Variants in MYT1L observed in about 807,000 individuals in gnomAD.
MYT1L encodes myelin transcription factor 1-like protein.
Under a neutral mutation model 126.7 loss-of-function variants are expected in MYT1L, and 12 were observed. The observed-to-expected ratio is 0.09, with a 90% CI of 0.06 to 0.15. The LOEUF (loss-of-function observed/expected upper bound fraction) is 0.15. MYT1L is among the 10% of genes least tolerant of loss of function. MYT1L has a pLI of 1.00. For missense variants in MYT1L, 979 were observed against 1,585.2 expected (o/e 0.62, Z 6.49); for synonymous variants, 541 against 604.2 (o/e 0.90, Z 1.53).
At chr2:1,973,484 A>C (rs2059952556) in intron 8 of MYT1L, among the ~76,000 whole-genome samples, 1 of 152,236 alleles carries the variant, frequency 6.6e-6, no homozygotes, top group African/African-American at 2.4e-5. Flanking sequence ...AGCCAAAAAA[A>C]ACCTGAATAT....
At chr2:1,963,768 G>T (rs1242102044) in intron 8 of MYT1L, among the ~76,000 whole-genome samples, 3 of 152,192 alleles carry the variant, frequency 2.0e-5, no homozygotes, top group African/African-American at 7.2e-5. Flanking sequence ...TACCTTCACA[G>T]AACTGAAGAG....
chr2:2,039,565 T>A (rs1448229299), intron 4 of MYT1L, among the ~76,000 whole-genome samples: 1 of 152,178 alleles, frequency 6.6e-6, no homozygotes, highest in South Asian at 2.1e-4. Context: ...TGAAAAGGTG[T>A]GAATTGCTCA....
At chr2:2,118,059 C>A (rs1294845581) in intron 3 of MYT1L, among the ~76,000 whole-genome samples, 1 of 150,230 alleles carries the variant, frequency 6.7e-6, no homozygotes. Flanking sequence ...GGGTTTTATT[C>A]TATATTTATA....
In MYT1L at chr2:2,228,053, G is replaced by A. The variant is rs920926648; in HGVS notation, c.-420-55065C>T. On this transcript the variant is annotated intron_variant, in intron 2 of 24. Transcript: ENST00000647738. This position sits in a 1 kb window ranked among gnomAD's most constrained non-coding sequence, Gnocchi z 5.9. ...TGCCCAATGTCAAGTAGCTCATAAC[G>A]GCTAGTAAATGCCTAGGGTTGAATA... 2.0e-5 allele frequency among the ~76,000 whole-genome samples: 3 copies of A among 152,122 alleles called. No homozygotes were observed. Among genetic ancestry groups the A allele is most frequent in the Non-Finnish European group, 4.4e-5 (3 of 68,002 alleles).
chr2:2,068,497 G>A (rs1482596931), intron 3 of MYT1L, among the ~76,000 whole-genome samples: 1 of 152,048 alleles, frequency 6.6e-6, no homozygotes, highest in Non-Finnish European at 1.5e-5. Flanking sequence ...CCATTTCCCT[G>A]CACATTCCAT....
At chr2:2,251,014 A>C (rs2149216103) in intron 2 of MYT1L, among the ~76,000 whole-genome samples, 1 of 152,306 alleles carries the variant, frequency 6.6e-6, no homozygotes, top group African/African-American at 2.4e-5. Flanking sequence ...TGCCGACTTA[A>C]TGTTTACCTG....
Position 2,228,902 on chromosome 2 carries a change from A to AG in MYT1L, c.-421+55501dup, listed in dbSNP as rs1268430688. Among the ~76,000 whole-genome samples, 1 of 152,174 alleles carries AG rather than the reference A, an allele frequency of 6.6e-6. No individual in the cohort carries two copies. Among genetic ancestry groups the AG allele is most frequent in the Non-Finnish European group, 1.5e-5 (1 of 68,034 alleles). On this transcript the variant is annotated intron_variant, in intron 2 of 24. Coordinates refer to ENST00000647738, the MANE Select transcript of MYT1L (RefSeq NM_001303052.2). The surrounding 1 kb of genome is among the most constrained non-coding windows in gnomAD (Gnocchi z 5.9). ...CAATCTTTTTAAAAAATACAGGACAAGGGCAAGTTAATAAGAAGAAACACA... is the reference window on the plus strand; with the variant it reads ...CAATCTTTTTAAAAAATACAGGACAAGGGGCAAGTTAATAAGAAGAAACACA...
At chr2:2,282,455 G>T (rs1268656129) in intron 2 of MYT1L, among the ~76,000 whole-genome samples, 2 of 152,156 alleles carry the variant, frequency 1.3e-5, no homozygotes, top group African/African-American at 4.8e-5. Flanking sequence ...ACACTGGATG[G>T]TTAGCTGTGT....
intron 18 of MYT1L, among the ~76,000 whole-genome samples, chr2:1,870,904 C>T (rs762482853): frequency 4.6e-5 from 7 of 152,242 alleles, no homozygotes; most frequent in South Asian, 2.1e-4. Flanking sequence ...CCCAGCTCTG[C>T]GAGCTGCCCA....
intron 3 of MYT1L, among the ~76,000 whole-genome samples, chr2:2,071,998 T>TA (rs776269189): frequency 2.9e-4 from 44 of 152,222 alleles, no homozygotes; most frequent in Admixed American, 4.6e-4. Context: ...GGCAGGAAGA[T>TA]AAATATATGG....
At position 1,887,703 on chromosome 2, in the gene MYT1L, C is replaced by T. The variant is rs542530214; in HGVS notation, c.2521-94G>A. ...CGTGGCTCTGGGGTGGCCTCTACAT[C>T]TTACACCTCTTTCTGCTGTACCTTT... is the stretch of plus-strand genomic sequence containing the variant. On this transcript the variant is annotated intron_variant, in intron 16 of 24. Coordinates refer to ENST00000647738, the MANE Select transcript of MYT1L (RefSeq NM_001303052.2). The surrounding 1 kb of genome is among the most constrained non-coding windows in gnomAD (Gnocchi z 4.8). 6.3e-6 allele frequency: 9 copies of T among 1,417,510 alleles called. No individual in the cohort carries two copies. The South Asian group carries it at 9.5e-5, about 15-fold the overall frequency. The allele number at this position is 1,417,510 out of a possible 1,614,324, so 87.8% of individuals were successfully genotyped here.
intron 3 of MYT1L, among the ~76,000 whole-genome samples, chr2:2,155,809 G>C (rs1447541425): frequency 2.6e-5 from 4 of 152,052 alleles, no homozygotes; most frequent in South Asian, 2.1e-4. Context: ...TTTCACCACG[G>C]AGCCATCAAC....
rs1050949411 is a variant in MYT1L, at chr2:1,956,586, A to T, written c.153-13252T>A. On this transcript the variant is annotated intron_variant, in intron 8 of 24. Coordinates refer to ENST00000647738, the MANE Select transcript of MYT1L (RefSeq NM_001303052.2). The stretch of plus-strand genomic sequence containing the variant: ...TCTATATTTCCTATTCTATCTATCT[A>T]TCTATCTATCTATCTATCTATCTAT... Among the ~76,000 whole-genome samples, 72 of 142,714 alleles carry T rather than the reference A, an allele frequency of 5.0e-4. 2 individuals carry two copies. Among genetic ancestry groups the T allele is most frequent in the African/African-American group, 1.6e-3 (56 of 35,988 alleles). The allele number at this position is 142,714 out of a possible 152,430, so 93.6% of individuals were successfully genotyped here.
At chr2:2,308,355 A>G (rs1188901070) in intron 1 of MYT1L, among the ~76,000 whole-genome samples, 1 of 151,582 alleles carries the variant, frequency 6.6e-6, no homozygotes, top group Non-Finnish European at 1.5e-5. Flanking sequence ...CCTATACTTC[A>G]CCTACATTTC....
intron 4 of MYT1L, among the ~76,000 whole-genome samples, chr2:2,051,566 G>T (rs532470360): frequency 6.6e-6 from 1 of 152,276 alleles, no homozygotes; most frequent in African/African-American, 2.4e-5. Context: ...TTCTACCTAA[G>T]AAATTACTAC....
At chr2:2,066,305 A>T (rs899215163) in intron 3 of MYT1L, among the ~76,000 whole-genome samples, 1 of 152,178 alleles carries the variant, frequency 6.6e-6, no homozygotes, top group African/African-American at 2.4e-5. Flanking sequence ...CTTTATAAAC[A>T]TTAATTCTTA....
chr2:1,880,143 A>C (rs904169222), intron 18 of MYT1L, among the ~76,000 whole-genome samples: 8 of 152,222 alleles, frequency 5.3e-5, no homozygotes, highest in African/African-American at 1.9e-4. Context: ...ACTGCCTTTT[A>C]GATGGCTTAA....
chr2:2,248,466 C>T (rs1002371622), intron 2 of MYT1L, among the ~76,000 whole-genome samples: 3 of 152,038 alleles, frequency 2.0e-5, no homozygotes, highest in African/African-American at 7.2e-5. Context: ...GAACCAAAAC[C>T]AATCCTACTC....
At chr2:2,219,513 T>C (rs939776147) in intron 2 of MYT1L, among the ~76,000 whole-genome samples, 1 of 152,258 alleles carries the variant, frequency 6.6e-6, no homozygotes, top group African/African-American at 2.4e-5. Context: ...ATGTATTTTA[T>C]GTTCTTAGCT....
Sources: allele counts gnomAD v4.1 joint callset (sites outside exome capture counted in the v4.1 genomes callset), GRCh38; gene constraint gnomAD v4.1.1; non-coding constraint Gnocchi (gnomAD v3.1); transcripts MANE v1.5; gene names NCBI Gene and HGNC (gene_info 2026-07-23, HGNC 2026-07-21).